TRPC4: variants seen among roughly 807,000 people sequenced by gnomAD.
The protein encoded by TRPC4 is short transient receptor potential channel 4.
Under a neutral mutation model 99.4 loss-of-function variants are expected in TRPC4, and 49 were observed. The ratio of observed to expected loss-of-function variants is 0.49; its 90% CI spans 0.39 to 0.63. The LOEUF is 0.63. Ranked by LOEUF, TRPC4 falls within the 20% of genes least tolerant of loss-of-function variation. The probability of loss-of-function intolerance (pLI) is 0.00; values close to 1 mark genes in which losing one functional copy is unlikely to be tolerated. For synonymous variants in TRPC4, 454 were observed against 425.9 expected (o/e 1.07, Z -0.81); for missense variants, 898 against 1,152.9 (o/e 0.78, Z 3.20).
intron 1 of TRPC4, among the ~76,000 whole-genome samples, chr13:37,867,116 C>T (rs1959812221): frequency 6.6e-6 from 1 of 151,666 alleles, no homozygotes; most frequent in Admixed American, 6.6e-5. Flanking sequence ...TTCCCTTTAC[C>T]TGACATTATT....
chr13:37,782,950 A>C lies in TRPC4; in HGVS notation c.378+6T>G, dbSNP rs368766143. ...AATAAATTAAAAACTGTATTTTTGC[A>C]GGTACCTGTTTTTCTCCACTAGGTT... On this transcript the variant is annotated splice_donor_region_variant and intron_variant, in intron 2 of 10. Transcript: ENST00000379705. 1 of 1,423,270 alleles carries C rather than the reference A, an allele frequency of 7.0e-7. No individual in the cohort carries two copies. Among genetic ancestry groups the C allele is most frequent in the Non-Finnish European group, 9.3e-7 (1 of 1,081,048 alleles). The allele number at this position is 1,423,270 out of a possible 1,614,324, so 88.2% of individuals were successfully genotyped here.
rs1273786193 is a variant in TRPC4 at position 37,745,975 on chromosome 13, C to T, written c.859G>A (p.Ala287Thr). Residue 287 changes from alanine (A) to threonine (T), a missense_variant, in exon 3 of 11, where the codon GCA (alanine) becomes ACA (threonine). Physicochemically the swap from Ala to Thr is moderately conservative, Grantham distance 58 (BLOSUM62 0). Around this residue, in one of 3 missense-constraint regions of TRPC4, gnomAD observed 278 missense variants for 346.6 expected, o/e 0.80. Transcript: ENST00000379705. ...LIEEQSGNDLARLKLAIKYRQ... is the reference protein window; with the variant it reads ...LIEEQSGNDLTRLKLAIKYRQ... ...TACTTAATGGCCAATTTTAGTCTTG[C>T]AAGATCATTTCCACTTTGTTCTTCT... The T allele has an allele frequency of 1.2e-6, 2 of 1,613,644 alleles. No homozygotes were observed. Among genetic ancestry groups the T allele is most frequent in the Middle Eastern group, 1.7e-4 (1 of 6,048 alleles).
At chr13:37,858,478 T>C (rs1959192746) in intron 1 of TRPC4, among the ~76,000 whole-genome samples, 1 of 151,794 alleles carries the variant, frequency 6.6e-6, no homozygotes. Flanking sequence ...TACACTCCCA[T>C]GTTTGTCTTA....
chr13:37,782,886 A>G (rs1396464892), intron 2 of TRPC4, 70 bp downstream of exon 2: 28 of 1,078,408 alleles, frequency 2.6e-5, no homozygotes, highest in East Asian at 2.0e-4. Flanking sequence ...AAAAAAAAAA[A>G]AGAAAGAAAA....
At chr13:37,864,129 A>G in intron 1 of TRPC4, among the ~76,000 whole-genome samples, 1 of 151,682 alleles carries the variant, frequency 6.6e-6, no homozygotes, top group East Asian at 1.9e-4. Flanking sequence ...ATGGAACATC[A>G]TGTATTGTCA....
chr13:37,837,006 A>G (rs1566211444), intron 1 of TRPC4, among the ~76,000 whole-genome samples: 1 of 152,206 alleles, frequency 6.6e-6, no homozygotes, highest in Admixed American at 6.5e-5. Context: ...TGGGGCCAAC[A>G]TAGAGCTCAG....
At chr13:37,846,863 G>T (rs1958920138) in intron 1 of TRPC4, among the ~76,000 whole-genome samples, 2 of 151,724 alleles carry the variant, frequency 1.3e-5, no homozygotes, top group African/African-American at 4.8e-5. Flanking sequence ...TGAAATGATT[G>T]GAAAAAAGTA....
intron 1 of TRPC4, among the ~76,000 whole-genome samples, chr13:37,787,734 A>G (rs8000744): frequency 0.25 from 37,350 of 151,908 alleles, 5,337 homozygotes; most frequent in East Asian, 0.66. Flanking sequence ...AGATAAGATT[A>G]CATTACTCAA....
rs115462575 is a variant in TRPC4, at chr13:37,665,881, T to G, written c.1375-2152A>C. On this transcript the variant is annotated intron_variant, in intron 5 of 10. Coordinates refer to ENST00000379705, the MANE Select transcript of TRPC4 (RefSeq NM_016179.4). ...AAAAAAAATACATAAGAGGAAGGTTTTCCATTTTTACAGATTCTGCCCCAG... is the reference window on the plus strand; with the variant it reads ...AAAAAAAATACATAAGAGGAAGGTTGTCCATTTTTACAGATTCTGCCCCAG... 3.9e-3 allele frequency among the ~76,000 whole-genome samples: 587 copies of G among 151,892 alleles called. 6 individuals carry two copies. Among genetic ancestry groups the G allele is most frequent in the African/African-American group, 0.013 (542 of 41,414 alleles).
intron 1 of TRPC4, among the ~76,000 whole-genome samples, chr13:37,845,723 A>G (rs1371887688): frequency 3.3e-5 from 5 of 152,134 alleles, no homozygotes; most frequent in African/African-American, 1.2e-4. Context: ...GAAGAAAAAG[A>G]AAGAGAAAAA....
At chr13:37,735,717 A>C (rs1017020654) in intron 3 of TRPC4, among the ~76,000 whole-genome samples, 34 of 152,160 alleles carry the variant, frequency 2.2e-4, no homozygotes, top group Admixed American at 2.2e-3. Context: ...TCATTAGCCT[A>C]ATGTTTTTGA....
intron 6 of TRPC4, 54 bp from the exon 7 acceptor site, chr13:37,655,337 T>C (rs1952191232): frequency 1.3e-5 from 14 of 1,079,842 alleles, no homozygotes; most frequent in East Asian, 3.2e-5. Flanking sequence ...TCATTATACA[T>C]GGGATAAAAC....
chr13:37,677,896 C>T (rs1322551110), intron 4 of TRPC4, among the ~76,000 whole-genome samples: 1 of 152,092 alleles, frequency 6.6e-6, no homozygotes, highest in Non-Finnish European at 1.5e-5. Flanking sequence ...AACCTCAGCA[C>T]ATTTATTTAG....
At chr13:37,674,441 A>G (rs1446946322) in intron 4 of TRPC4, 74 bp from the exon 5 acceptor site, 6 of 1,497,496 alleles carry the variant, frequency 4.0e-6, no homozygotes, top group Non-Finnish European at 5.4e-6. Context: ...CAATTTAACA[A>G]TTATAGATCT....
intron 2 of TRPC4, among the ~76,000 whole-genome samples, chr13:37,770,458 G>C (rs1222148188): frequency 6.6e-6 from 1 of 151,530 alleles, no homozygotes; most frequent in African/African-American, 2.4e-5. Flanking sequence ...AATAGAACAT[G>C]ATACAGTAAA....
intron 1 of TRPC4, among the ~76,000 whole-genome samples, chr13:37,800,523 T>C (rs1957373717): frequency 6.6e-6 from 1 of 152,212 alleles, no homozygotes; most frequent in Non-Finnish European, 1.5e-5. Context: ...TATTTAGTTG[T>C]TTCAGCTTTA....
At chr13:37,775,219 T>C (rs1239601765) in intron 2 of TRPC4, among the ~76,000 whole-genome samples, 4 of 151,758 alleles carry the variant, frequency 2.6e-5, no homozygotes, top group African/African-American at 9.7e-5. Context: ...CACACATGCA[T>C]TATTAATTTA....
chr13:37,762,713 G>A (rs1172756219), intron 2 of TRPC4, among the ~76,000 whole-genome samples: 1 of 110,684 alleles, frequency 9.0e-6, no homozygotes, highest in Non-Finnish European at 1.7e-5. Flanking sequence ...TCTGGGGACT[G>A]TTGTGGGGTG....
chr13:37,779,607 G>A (rs1214412351), intron 2 of TRPC4, among the ~76,000 whole-genome samples: 1 of 151,884 alleles, frequency 6.6e-6, no homozygotes, highest in Non-Finnish European at 1.5e-5. Flanking sequence ...ACATGTATAA[G>A]GTCAAAAAGA....
Sources: gnomAD v4.1 joint callset for allele counts (sites outside exome capture counted in the v4.1 genomes callset) on GRCh38, gnomAD v4.1.1 for gene constraint, gnomAD v4.1.1 regional missense constraint, MANE v1.5 for transcripts, NCBI Gene and HGNC (gene_info 2026-07-23, HGNC 2026-07-21) for gene names.